The following SH3GL1 variants were observed in gnomAD, a reference collection of about 807,000 sequenced individuals.
SH3GL1 encodes SH3 domain containing GRB2 like 1, endophilin A2.
Under a neutral mutation model 48.8 loss-of-function variants are expected in SH3GL1, and 21 were observed. The ratio of observed to expected loss-of-function variants is 0.43; its 90% CI spans 0.30 to 0.62. The LOEUF (loss-of-function observed/expected upper bound fraction) is 0.62, where lower values mean the gene tolerates loss of function less well. Among genes scored for constraint, SH3GL1 ranks in the 20% least tolerant of loss-of-function variants. The pLI is 0.11. For missense variants in SH3GL1, 454 were observed against 503.0 expected (o/e 0.90, Z 0.93); for synonymous variants, 282 against 217.5 (o/e 1.30, Z -2.61).
At chr19:4,370,728 G>A (rs1972882546) in intron 1 of SH3GL1, among the ~76,000 whole-genome samples, 1 of 152,272 alleles carries the variant, frequency 6.6e-6, no homozygotes, top group Non-Finnish European at 1.5e-5. Context: ...GCCTCCCACA[G>A]AGGCTGTGAC....
intron 1 of SH3GL1, among the ~76,000 whole-genome samples, chr19:4,397,360 C>T (rs1221684742): frequency 6.6e-6 from 1 of 151,780 alleles, no homozygotes; most frequent in Non-Finnish European, 1.5e-5. Flanking sequence ...CTGTCCTTTC[C>T]AGGCTTCAAG....
chr19:4,377,424 C>T (rs550890224), intron 1 of SH3GL1, among the ~76,000 whole-genome samples: 1 of 152,360 alleles, frequency 6.6e-6, no homozygotes, highest in Admixed American at 6.5e-5. Flanking sequence ...GCCTATCTGG[C>T]ACACTTACAC....
At chr19:4,378,830 C>A (rs77425329) in intron 1 of SH3GL1, among the ~76,000 whole-genome samples, 4,623 of 152,302 alleles carry the variant, frequency 0.03, 101 homozygotes, top group Non-Finnish European at 0.047. Context: ...GGGGTTTCAC[C>A]TCCGCCCCAC....
intron 6 of SH3GL1, 25 bp downstream of exon 6, chr19:4,363,694 AG>A (rs758353809): frequency 6.8e-6 from 11 of 1,611,956 alleles, no homozygotes; most frequent in Non-Finnish European, 9.3e-6. Context: ...AGGTCTTCTC[AG>A]GATGTGACAC....
chr19:4,386,380 TA>T (rs1233484486), intron 1 of SH3GL1, among the ~76,000 whole-genome samples: 1 of 151,966 alleles, frequency 6.6e-6, no homozygotes, highest in East Asian at 1.9e-4. Flanking sequence ...AGCAGAAAAA[TA>T]ATCAGTCAGC....
At chr19:4,363,296 G>A (rs556187560) in intron 7 of SH3GL1, 74 bp downstream of exon 7, 4 of 1,127,654 alleles carry the variant, frequency 3.5e-6, no homozygotes, top group South Asian at 2.7e-5. Flanking sequence ...CCACAGCGAG[G>A]TGTGCTGCCC....
intron 1 of SH3GL1, among the ~76,000 whole-genome samples, chr19:4,384,362 G>A (rs1973194893): frequency 6.6e-6 from 1 of 152,222 alleles, no homozygotes; most frequent in Admixed American, 6.5e-5. Context: ...GAGGAGGGTT[G>A]AAATAACACA....
In SH3GL1 at chr19:4,361,606, C is replaced by T. The variant is rs146571406; in HGVS notation, c.1101G>A (p.Pro367=). 9,972 of 1,595,932 alleles carry T rather than the reference C, an allele frequency of 6.2e-3. 44 individuals are homozygous for T. The highest frequency in any genetic ancestry group is 7.7e-3 in the Non-Finnish European group (9,025 of 1,174,454). The change falls in exon 10 of 10, where the codon CCG becomes CCA. Residue 367 remains proline, a synonymous_variant. Coordinates refer to ENST00000269886, the MANE Select transcript of SH3GL1 (RefSeq NM_003025.4). ...GGGCGGGGACACGGGTGAGTCACTG[C>T]GGCAGGGGCACAAGCACCTCCACGT... The part of the protein sequence containing the change: ...LSYVEVLVPL[P]Q
Position 4,364,130 on chromosome 19 carries a change from G to T in SH3GL1, c.423C>A (p.Asp141Glu). 6.2e-7 allele frequency: 1 copy of T among 1,613,756 alleles called. No homozygotes were observed. The highest frequency in any genetic ancestry group is 8.5e-7 in the Non-Finnish European group (1 of 1,180,014). The change falls in exon 5 of 10, where the codon GAC (aspartate) becomes GAA (glutamate). Residue 141 changes from aspartate (D) to glutamate (E), a missense_variant. This residue lies in a region of SH3GL1 where 176 missense variants were observed against 256.2 expected (regional missense o/e 0.69). Transcript: ENST00000269886. ...LDIEVKQNFI[D>E]PLQNLCEKDL... Reference sequence around the variant, plus strand: ...CTTTCTCGCACAGGTTCTGGAGGGGGTCAATGAAGTTCTGCTTGACCTCGA... The same window carrying T: ...CTTTCTCGCACAGGTTCTGGAGGGGTTCAATGAAGTTCTGCTTGACCTCGA...
intron 1 of SH3GL1, among the ~76,000 whole-genome samples, chr19:4,381,579 CCT>C (rs761718224): frequency 2.1e-5 from 2 of 95,696 alleles, no homozygotes; most frequent in African/African-American, 4.1e-5. Context: ...GTTCCCCCTG[CCT>C]CTCTCTGTCT....
Position 4,364,240 on chromosome 19 carries a change from G to C in SH3GL1, c.332-19C>G. 1 of 1,613,734 alleles carries C rather than the reference G, an allele frequency of 6.2e-7. No homozygotes were observed. The highest frequency in any genetic ancestry group is 8.5e-7 in the Non-Finnish European group (1 of 1,179,974). The stretch of plus-strand genomic sequence containing the variant: ...GCGTCACCTGTGGAGAAGTGGTGGG[G>C]GAAGCCATCATACCGGGCCTGGGAC... On this transcript the variant is annotated intron_variant, in intron 4 of 9. Coordinates refer to ENST00000269886, the MANE Select transcript of SH3GL1 (RefSeq NM_003025.4).
At chr19:4,364,639 C>T (rs888814949) in intron 4 of SH3GL1, 3 of 192,720 alleles carry the variant, frequency 1.6e-5, no homozygotes, top group Non-Finnish European at 3.3e-5. Flanking sequence ...CCATATAGAC[C>T]ACACCGGTCT....
Position 4,371,734 on chromosome 19 carries a change from G to A in SH3GL1, c.46-4740C>T, listed in dbSNP as rs551818643. 1.6e-4 allele frequency among the ~76,000 whole-genome samples: 24 copies of A among 152,280 alleles called. 1 individual carries two copies. The East Asian group carries it at 4.2e-3, about 27-fold the overall frequency. On this transcript the variant is annotated intron_variant, in intron 1 of 9. Coordinates refer to ENST00000269886, the MANE Select transcript of SH3GL1 (RefSeq NM_003025.4). ...TTTCCAGGTTCACAGCAGAGTTCAC[G>A]GGTCCTCCCTCGGCTGGGGAGCGGG...
At chr19:4,394,958 G>A (rs749862370) in intron 1 of SH3GL1, among the ~76,000 whole-genome samples, 22 of 152,238 alleles carry the variant, frequency 1.4e-4, no homozygotes, top group Non-Finnish European at 2.2e-4. Context: ...AACTGTCTCC[G>A]ACATTGCCAA....
At chr19:4,370,948 C>A (rs757570619) in intron 1 of SH3GL1, among the ~76,000 whole-genome samples, 1 of 152,234 alleles carries the variant, frequency 6.6e-6, no homozygotes, top group Non-Finnish European at 1.5e-5. Context: ...AGATGCCCAG[C>A]GGAGACCTGC....
At position 4,361,337 on chromosome 19, in the gene SH3GL1, A is replaced by C; in HGVS notation, c.*263T>G. The C allele has an allele frequency of 2.0e-6, 1 of 506,696 alleles. No homozygotes were observed. The highest frequency in any genetic ancestry group is 2.7e-5 in the South Asian group (1 of 37,412). The allele number at this position is 506,696 out of a possible 1,614,324, so 31.4% of individuals were successfully genotyped here. A position where few individuals can be genotyped will look rare whatever the true frequency, so the allele number is the denominator to read the frequency against. ...TGGGCGAGAAGTTGGGGAGCGGGGG[A>C]GGAGGCTGGCGCCATGGAGTGGGGA... On this transcript the variant is annotated 3_prime_UTR_variant, in exon 10 of 10. Transcript: ENST00000269886.
At chr19:4,388,520 G>A (rs954275593) in intron 1 of SH3GL1, among the ~76,000 whole-genome samples, 1 of 152,254 alleles carries the variant, frequency 6.6e-6, no homozygotes, top group Non-Finnish European at 1.5e-5. Flanking sequence ...CAATCAGAGA[G>A]AAGTCACTGC....
Position 4,361,271 on chromosome 19 carries a change from T to C in SH3GL1, c.*329A>G, listed in dbSNP as rs1405087788. The C allele has an allele frequency of 5.0e-6, 2 of 398,430 alleles. No homozygotes were observed. Among genetic ancestry groups the C allele is most frequent in the Non-Finnish European group, 9.2e-6 (2 of 218,448 alleles). 24.7% of individuals were successfully genotyped at this position (398,430 alleles called of 1,614,324 possible). A position where few individuals can be genotyped will look rare whatever the true frequency, so the allele number is the denominator to read the frequency against. On this transcript the variant is annotated 3_prime_UTR_variant, in exon 10 of 10. Transcript: ENST00000269886. ...GGGGGCTGCCCCAGAGGAACATTAG[T>C]GTTTCTAAGAGCACCTTAGTGTTGC...
Position 4,366,133 on chromosome 19 carries a change from C to T in SH3GL1, c.187+368G>A, listed in dbSNP as rs569488948. On this transcript the variant is annotated intron_variant, in intron 3 of 9. Transcript: ENST00000269886. ...AAAGCCCGTCTCTCAGCCAGGGAGA[C>T]CCAGTCCCAAGCCCAAGAGGTGAAG... 1.2e-3 allele frequency among the ~76,000 whole-genome samples: 177 copies of T among 152,280 alleles called. 1 individual carries two copies. Among genetic ancestry groups the T allele is most frequent in the African/African-American group, 4.1e-3 (171 of 41,560 alleles).
Sources: gnomAD v4.1 joint callset for allele counts (sites outside exome capture counted in the v4.1 genomes callset) on GRCh38, gnomAD v4.1.1 for gene constraint, gnomAD v4.1.1 regional missense constraint, MANE v1.5 for transcripts, NCBI Gene and HGNC (gene_info 2026-07-23, HGNC 2026-07-21) for gene names.